Variants in NAA20 observed in about 807,000 individuals in gnomAD.
NAA20 encodes the protein N-alpha-acetyltransferase 20, NatB catalytic subunit.
Under a neutral mutation model 23.8 loss-of-function variants are expected in NAA20, and 24 were observed. That is an observed-to-expected ratio of 1.01 (90% CI 0.73 to 1.42). The LOEUF (loss-of-function observed/expected upper bound fraction) is 1.42, where lower values mean the gene tolerates loss of function less well. Among genes scored for constraint, NAA20 ranks in the 40% most tolerant of loss-of-function variants. The probability of loss-of-function intolerance (pLI) is 0.00; values close to 1 mark genes in which losing one functional copy is unlikely to be tolerated. For synonymous variants in NAA20, 83 were observed against 77.7 expected (o/e 1.07, Z -0.36); for missense variants, 166 against 223.1 (o/e 0.74, Z 1.63).
At chr20:20,028,492 T>A (rs918853961) in intron 4 of NAA20, among the ~76,000 whole-genome samples, 1 of 151,804 alleles carries the variant, frequency 6.6e-6, no homozygotes, top group Non-Finnish European at 1.5e-5. Context: ...ATAATAATAA[T>A]AAAAAAAAGC....
chr20:20,022,479 CTG>C lies in NAA20; in HGVS notation c.78+1_78+2del, dbSNP rs1337692839. The C allele has an allele frequency of 2.5e-6, 4 of 1,569,134 alleles. No individual in the cohort carries two copies. Among genetic ancestry groups the C allele is most frequent in the African/African-American group, 1.4e-5 (1 of 71,898 alleles). On this transcript the variant is annotated splice_donor_variant and coding_sequence_variant, in exon 2 of 6. Transcript: ENST00000334982. LOFTEE classifies it high-confidence loss of function. Reference sequence around the variant, plus strand: ...AGTAACTTGGATCCACTTACAGAAACTGTATCCTTTTTTACAAAAAAAAAAAA... The same window carrying C: ...AGTAACTTGGATCCACTTACAGAAACTATCCTTTTTTACAAAAAAAAAAAA...
chr20:20,022,951 C>A (rs997300655), intron 2 of NAA20, among the ~76,000 whole-genome samples: 1 of 152,218 alleles, frequency 6.6e-6, no homozygotes, highest in Non-Finnish European at 1.5e-5. Context: ...AACAGCATCA[C>A]AGCCATGTTT....
At chr20:20,023,891 A>T (rs1357243577) in intron 2 of NAA20, among the ~76,000 whole-genome samples, 2 of 152,230 alleles carry the variant, frequency 1.3e-5, no homozygotes, top group Admixed American at 1.3e-4. Context: ...TCCAGAAGGC[A>T]CTTTGGAAAT....
At chr20:20,031,324 A>G (rs927230507) in intron 4 of NAA20, among the ~76,000 whole-genome samples, 1 of 152,206 alleles carries the variant, frequency 6.6e-6, no homozygotes, top group African/African-American at 2.4e-5. Context: ...GGCATTGCAC[A>G]TCAATAGTAT....
intron 2 of NAA20, 74 bp from the exon 3 acceptor site, chr20:20,025,603 C>CT (rs938207866): frequency 1.2e-4 from 136 of 1,143,206 alleles, no homozygotes; most frequent in Middle Eastern, 1.1e-3. Context: ...TTAAAGGAAA[C>CT]TTTTTTTACA....
chr20:20,027,596 G>A (rs1046060971), intron 4 of NAA20, among the ~76,000 whole-genome samples: 4 of 152,052 alleles, frequency 2.6e-5, no homozygotes, highest in African/African-American at 4.8e-5. Context: ...ATGATCTTAC[G>A]TTGAATTTGT....
chr20:20,021,040 G>GC (rs1321383795), intron 1 of NAA20, among the ~76,000 whole-genome samples: 1 of 13,140 alleles, frequency 7.6e-5, no homozygotes, highest in African/African-American at 3.5e-4. Context: ...TCGGTGGGCG[G>GC]GGGGGGGGGG....
At chr20:20,019,521 T>C (rs946222606) in intron 1 of NAA20, among the ~76,000 whole-genome samples, 6 of 152,224 alleles carry the variant, frequency 3.9e-5, no homozygotes, top group Non-Finnish European at 5.9e-5. Context: ...CAAGAAAATA[T>C]TAGATTTCAG....
intron 1 of NAA20, among the ~76,000 whole-genome samples, chr20:20,021,556 T>C (rs1490773969): frequency 1.3e-5 from 2 of 152,216 alleles, no homozygotes; most frequent in Non-Finnish European, 2.9e-5. Flanking sequence ...TATTTTTGAG[T>C]GAATATTTAA....
intron 1 of NAA20, 31 bp downstream of exon 1, chr20:20,017,480 C>T (rs1286603632): frequency 6.3e-7 from 1 of 1,584,622 alleles, no homozygotes; most frequent in Non-Finnish European, 8.6e-7. Flanking sequence ...GCCAGCCGCT[C>T]TTGGCCGGGC....
chr20:20,021,182 G>A (rs1251476242), intron 1 of NAA20, among the ~76,000 whole-genome samples: 2 of 152,154 alleles, frequency 1.3e-5, no homozygotes, highest in Admixed American at 6.5e-5. Flanking sequence ...TCGTCGAAAG[G>A]TGTGGTGGAG....
intron 4 of NAA20, among the ~76,000 whole-genome samples, chr20:20,028,481 TATA>T (rs1201769562): frequency 2.6e-5 from 4 of 151,938 alleles, no homozygotes; most frequent in East Asian, 3.9e-4. Context: ...GAACTTAAAG[TATA>T]ATAATAATAA....
Position 20,032,578 on chromosome 20 carries a change from T to G in NAA20, c.376T>G (p.Leu126Val). Residue 126 changes from leucine to valine, a missense_variant, in exon 5 of 6, where the codon TTG becomes GTG. Leu to Val is a conservative substitution (Grantham distance 32, BLOSUM62 1). Transcript: ENST00000334982. ...NQVAVNMYKQLGYSVYRTVIE... is the reference protein window; with the variant it reads ...NQVAVNMYKQVGYSVYRTVIE... ...AGTTGCAGTTAACATGTACAAGCAG[T>G]TGGGCTACAGTGTATATAGGACGGT... 6.2e-7 allele frequency: 1 copy of G among 1,613,726 alleles called. No individual in the cohort carries two copies. Among genetic ancestry groups the G allele is most frequent in the South Asian group, 1.1e-5 (1 of 91,024 alleles).
At chr20:20,019,111 C>T (rs1314733609) in intron 1 of NAA20, among the ~76,000 whole-genome samples, 1 of 152,212 alleles carries the variant, frequency 6.6e-6, no homozygotes, top group Non-Finnish European at 1.5e-5. Flanking sequence ...GAATCGGAAC[C>T]ACTTGGTTTT....
intron 4 of NAA20, among the ~76,000 whole-genome samples, chr20:20,030,359 A>G (rs57221371): frequency 0.093 from 14,203 of 152,262 alleles, 1,463 homozygotes; most frequent in East Asian, 0.56. Context: ...ATAAAATCCA[A>G]TATTCCTTCC....
chr20:20,019,703 G>C (rs1336324330), intron 1 of NAA20, among the ~76,000 whole-genome samples: 1 of 152,136 alleles, frequency 6.6e-6, no homozygotes, highest in African/African-American at 2.4e-5. Flanking sequence ...TCCTGCCTCA[G>C]CCTCCCGAGT....
At chr20:20,017,633 C>A in intron 1 of NAA20, 184 bp downstream of exon 1, 1 of 1,313,258 alleles carries the variant, frequency 7.6e-7, no homozygotes, top group Non-Finnish European at 1.0e-6. Flanking sequence ...GAGAGGTGGG[C>A]CTGGAGTCGA....
At position 20,017,757 on chromosome 20, in the gene NAA20, G is replaced by A. The variant is rs548290303; in HGVS notation, c.53+308G>A. 153 of 1,433,722 alleles carry A rather than the reference G, an allele frequency of 1.1e-4. No individual in the cohort carries two copies. In the African/African-American group the frequency reaches 2.1e-3, roughly 20 times the overall value. 88.8% of individuals were successfully genotyped at this position (1,433,722 alleles called of 1,614,324 possible). On this transcript the variant is annotated intron_variant, in intron 1 of 5. Transcript: ENST00000334982. ...CCTCCGCTCGTGGTCGCTGTCAGGA[G>A]GCGCTGGGGTGATGGGGCGAGCTGG...
Position 20,025,927 on chromosome 20 carries a change from G to A in NAA20, c.169+160G>A, listed in dbSNP as rs763821746. Among the ~76,000 whole-genome samples the A allele has an allele frequency of 2.0e-5, 3 of 152,008 alleles. No homozygotes were observed. In the East Asian group the frequency reaches 5.8e-4, roughly 29 times the overall value. On this transcript the variant is annotated intron_variant, in intron 3 of 5. Transcript: ENST00000334982. ...TACTGATCTCTGTTTTGGGCACTGTGCTAGGCCCAGGCGATAACGGCAGTG... is the reference window on the plus strand; with the variant it reads ...TACTGATCTCTGTTTTGGGCACTGTACTAGGCCCAGGCGATAACGGCAGTG...
Sources: allele counts gnomAD v4.1 joint callset (sites outside exome capture counted in the v4.1 genomes callset), GRCh38; gene constraint gnomAD v4.1.1; transcripts MANE v1.5; gene names NCBI Gene and HGNC (gene_info 2026-07-23, HGNC 2026-07-21).